Variants in MAP4K5 observed in about 807,000 individuals in gnomAD.
MAP4K5 encodes the protein mitogen-activated protein kinase kinase kinase kinase 5.
MAP4K5 carries 82 observed loss-of-function variants against 135.6 expected under a neutral mutation model. That is an observed-to-expected ratio of 0.60 (90% CI 0.51 to 0.73). The LOEUF is 0.73. Ranked by LOEUF, MAP4K5 falls within the 30% of genes least tolerant of loss-of-function variation. The pLI is 0.00. For missense variants in MAP4K5, 907 were observed against 1,010.9 expected (o/e 0.90, Z 1.39); for synonymous variants, 347 against 335.0 (o/e 1.04, Z -0.39).
chr14:50,501,273 CTGTTT>C (rs2037700405), intron 3 of MAP4K5, among the ~76,000 whole-genome samples: 1 of 152,022 alleles, frequency 6.6e-6, no homozygotes, highest in African/African-American at 2.4e-5. Context: ...CAACAGATGA[CTGTTT>C]TATTTCTTAA....
chr14:50,532,175 C>G lies in MAP4K5; in HGVS notation c.-109-17G>C, dbSNP rs1277928490. ...CAGCTCCGTCTGCACGAGGGACGAG[C>G]AAAGGCTGGTTGGCGTCGCAGGCTA... On this transcript the variant is annotated splice_polypyrimidine_tract_variant and intron_variant, in intron 1 of 32. Coordinates refer to ENST00000682126, the MANE Select transcript of MAP4K5 (RefSeq NM_006575.6). 1.9e-5 allele frequency: 12 copies of G among 644,536 alleles called. No individual in the cohort carries two copies. The highest frequency in any genetic ancestry group is 2.6e-6 in the Non-Finnish European group (1 of 378,700). 39.9% of individuals were successfully genotyped at this position (644,536 alleles called of 1,614,324 possible).
At chr14:50,475,603 A>G (rs2099656718) in intron 8 of MAP4K5, among the ~76,000 whole-genome samples, 1 of 151,926 alleles carries the variant, frequency 6.6e-6, no homozygotes, top group African/African-American at 2.4e-5. Context: ...GCTACTTGGG[A>G]GGATTAGGTG....
rs367874057 is a variant in MAP4K5, at chr14:50,436,291, T to C, written c.1882+1185A>G. On this transcript the variant is annotated intron_variant, in intron 26 of 32. Coordinates refer to ENST00000682126, the MANE Select transcript of MAP4K5 (RefSeq NM_006575.6). Reference sequence around the variant, plus strand: ...CAAAAAAGAGGTCTGGTCTCTGTCCTGCTTCTGGGAGGTAATTGCTAAGCC... The same window carrying C: ...CAAAAAAGAGGTCTGGTCTCTGTCCCGCTTCTGGGAGGTAATTGCTAAGCC... 2.0e-5 allele frequency among the ~76,000 whole-genome samples: 3 copies of C among 152,306 alleles called. No individual in the cohort carries two copies. In the East Asian group the frequency reaches 5.8e-4, roughly 29 times the overall value.
At chr14:50,552,367 T>A (rs1595573340) in intron 1 of MAP4K5, among the ~76,000 whole-genome samples, 1 of 152,240 alleles carries the variant, frequency 6.6e-6, no homozygotes, top group Non-Finnish European at 1.5e-5. Context: ...AAATCATAGA[T>A]GACACAAACA....
intron 25 of MAP4K5, 123 bp from the exon 26 acceptor site, chr14:50,437,657 A>G: frequency 1.5e-6 from 1 of 686,582 alleles, no homozygotes; most frequent in South Asian, 1.9e-5. Flanking sequence ...TCCTAACTCC[A>G]CACTATCTCA....
chr14:50,534,524 C>T (rs747256682), upstream of MAP4K5, among the ~76,000 whole-genome samples: 12 of 152,188 alleles, frequency 7.9e-5, no homozygotes, highest in Non-Finnish European at 1.6e-4. Context: ...TCTTGAAATA[C>T]AGCATTTAAA....
chr14:50,472,442 G>T lies in MAP4K5; in HGVS notation c.542+2635C>A, dbSNP rs145436444. On this transcript the variant is annotated intron_variant, in intron 9 of 32. Coordinates refer to ENST00000682126, the MANE Select transcript of MAP4K5 (RefSeq NM_006575.6). ...ATATGAGAAATGTTGTAAAGTCTTTGTATGTTCCAGTTCCCTTTGAACACA... is the reference window on the plus strand; with the variant it reads ...ATATGAGAAATGTTGTAAAGTCTTTTTATGTTCCAGTTCCCTTTGAACACA... 102 of 152,168 alleles carry T rather than the reference G, an allele frequency of 6.7e-4. No homozygotes were observed. In the East Asian group the frequency reaches 0.01, roughly 15 times the overall value. The allele number at this position is 152,168 out of a possible 1,614,324, so 9.4% of individuals were successfully genotyped here.
At chr14:50,558,054 T>A (rs1280697949) in intron 1 of MAP4K5, among the ~76,000 whole-genome samples, 5 of 152,204 alleles carry the variant, frequency 3.3e-5, no homozygotes, top group African/African-American at 1.2e-4. Context: ...TCCATTAATT[T>A]ATAGAGGGAC....
intron 2 of MAP4K5, among the ~76,000 whole-genome samples, chr14:50,530,095 A>C (rs2038354214): frequency 6.6e-6 from 1 of 152,224 alleles, no homozygotes; most frequent in Non-Finnish European, 1.5e-5. Context: ...TGCAATGAAT[A>C]TACATGTAAG....
intron 2 of MAP4K5, among the ~76,000 whole-genome samples, chr14:50,516,602 C>G (rs886101252): frequency 6.6e-6 from 1 of 152,202 alleles, no homozygotes; most frequent in Non-Finnish European, 1.5e-5. Flanking sequence ...AGACACTATT[C>G]TCTGGAATCT....
intron 3 of MAP4K5, among the ~76,000 whole-genome samples, chr14:50,500,690 A>C (rs2037688600): frequency 6.6e-6 from 1 of 152,166 alleles, no homozygotes; most frequent in Non-Finnish European, 1.5e-5. Context: ...TGGGCAAGGC[A>C]ACAGGCACTA....
In MAP4K5 at chr14:50,466,663, G is replaced by C. The variant is rs762475717; in HGVS notation, c.675-18C>G. 6 of 1,157,354 alleles carry C rather than the reference G, an allele frequency of 5.2e-6. No homozygotes were observed. The highest frequency in any genetic ancestry group is 7.6e-6 in the Non-Finnish European group (6 of 791,154). The allele number at this position is 1,157,354 out of a possible 1,614,324, so 71.7% of individuals were successfully genotyped here. Reference sequence around the variant, plus strand: ...AGAGAGCCCTGAAATAAAAATTATAGTTAAAGAACAATATCAAAATTACTA... The same window carrying C: ...AGAGAGCCCTGAAATAAAAATTATACTTAAAGAACAATATCAAAATTACTA... On this transcript the variant is annotated intron_variant, in intron 10 of 32. Coordinates refer to ENST00000682126, the MANE Select transcript of MAP4K5 (RefSeq NM_006575.6).
At chr14:50,536,436 CAAAAAA>C (rs34686813), upstream of MAP4K5, among the ~76,000 whole-genome samples, 1 of 107,242 alleles carries the variant, frequency 9.3e-6, no homozygotes, top group Admixed American at 9.3e-5. Flanking sequence ...AACTCTGTCT[CAAAAAA>C]AAAAAAAAAA....
intron 3 of MAP4K5, among the ~76,000 whole-genome samples, chr14:50,503,135 G>A (rs1326791012): frequency 6.6e-6 from 1 of 151,804 alleles, no homozygotes; most frequent in African/African-American, 2.4e-5. Flanking sequence ...GACAAATTGT[G>A]GGAAGTGTAA....
intron 31 of MAP4K5, among the ~76,000 whole-genome samples, chr14:50,423,646 G>GT (rs2035781676): frequency 1.3e-5 from 2 of 152,134 alleles, no homozygotes; most frequent in South Asian, 2.1e-4. Flanking sequence ...GTGCATGCCT[G>GT]TAGTCCTAGC....
At chr14:50,551,662 A>G (rs752921594) in intron 1 of MAP4K5, among the ~76,000 whole-genome samples, 10 of 152,222 alleles carry the variant, frequency 6.6e-5, no homozygotes, top group Non-Finnish European at 1.5e-4. Flanking sequence ...TAGCATATCA[A>G]AAAGATAATA....
chr14:50,447,322 G>A (rs2036376873), intron 16 of MAP4K5, 92 bp downstream of exon 16: 1 of 744,228 alleles, frequency 1.3e-6, no homozygotes, highest in African/African-American at 1.8e-5. Flanking sequence ...TTTCAAGAAT[G>A]CAAATTAAAG....
chr14:50,446,176 C>A, intron 16 of MAP4K5, 55 bp from the exon 17 acceptor site: 1 of 1,043,888 alleles, frequency 9.6e-7, no homozygotes, highest in Non-Finnish European at 1.4e-6. Flanking sequence ...TAACCGAAAA[C>A]ACAGATACTA....
rs546824390 is a variant in MAP4K5 at position 50,484,856 on chromosome 14, G to C, written c.322+722C>G. Among the ~76,000 whole-genome samples, 9 of 152,256 alleles carry C rather than the reference G, an allele frequency of 5.9e-5. No homozygotes were observed. In the South Asian group the frequency reaches 1.9e-3, roughly 32 times the overall value. ...TAAGGTTTCCAATATAAAGATTTCA[G>C]CATAGAAACGTTTAAAAATATTTCA... On this transcript the variant is annotated intron_variant, in intron 5 of 32. Coordinates refer to ENST00000682126, the MANE Select transcript of MAP4K5 (RefSeq NM_006575.6).
Sources: allele counts gnomAD v4.1 joint callset (sites outside exome capture counted in the v4.1 genomes callset), GRCh38; gene constraint gnomAD v4.1.1; transcripts MANE v1.5; gene names NCBI Gene and HGNC (gene_info 2026-07-23, HGNC 2026-07-21).